Variants in GRXCR1 observed in about 807,000 individuals in gnomAD.
The protein encoded by GRXCR1 is glutaredoxin and cysteine rich domain containing 1, also known as glutaredoxin domain-containing cysteine-rich protein 1.
A neutral mutation model predicts 27.3 loss-of-function variants in GRXCR1; 27 were observed. That is an observed-to-expected ratio of 0.99 (90% CI 0.73 to 1.37). The LOEUF is 1.37. GRXCR1 is among the 40% of genes most tolerant of loss of function. GRXCR1 has a pLI of 0.00. For synonymous variants in GRXCR1, 122 were observed against 131.1 expected (o/e 0.93, Z 0.47); for missense variants, 379 against 354.4 (o/e 1.07, Z -0.56).
At chr4:42,980,443 A>G (rs566402330) in intron 2 of GRXCR1, among the ~76,000 whole-genome samples, 30 of 151,454 alleles carry the variant, frequency 2.0e-4, no homozygotes, top group African/African-American at 6.8e-4. Flanking sequence ...GTTTTTGTAA[A>G]TTTTTTGAAG....
chr4:42,940,617 TGAATCAAG>T (rs977993512), intron 1 of GRXCR1, among the ~76,000 whole-genome samples: 2 of 152,116 alleles, frequency 1.3e-5, no homozygotes, highest in African/African-American at 4.8e-5. Context: ...TTGCAATAAA[TGAATCAAG>T]GAATAATATT....
chr4:43,030,592 T>C lies in GRXCR1; in HGVS notation c.*52T>C. ...CATTTTATTAATCAAAGGCAATACT[T>C]TGGTTTATATATATATTTTTAAATG... On this transcript the variant is annotated 3_prime_UTR_variant, in exon 4 of 4. Coordinates refer to ENST00000399770, the MANE Select transcript of GRXCR1 (RefSeq NM_001080476.3). 1 of 1,361,630 alleles carries C rather than the reference T, an allele frequency of 7.3e-7. No homozygotes were observed. The highest frequency in any genetic ancestry group is 1.1e-6 in the Non-Finnish European group (1 of 951,554). The allele number at this position is 1,361,630 out of a possible 1,614,324, so 84.3% of individuals were successfully genotyped here. A position where few individuals can be genotyped will look rare whatever the true frequency, so the allele number is the denominator to read the frequency against.
intron 2 of GRXCR1, among the ~76,000 whole-genome samples, chr4:42,998,042 A>G (rs1712232853): frequency 6.6e-6 from 1 of 152,204 alleles, no homozygotes; most frequent in African/African-American, 2.4e-5. Flanking sequence ...ACTTTATGTC[A>G]GGCACAATGG....
chr4:42,910,743 G>A lies in GRXCR1; in HGVS notation c.384+17093G>A, dbSNP rs184606098. Among the ~76,000 whole-genome samples the A allele has an allele frequency of 2.6e-5, 4 of 152,188 alleles. No individual in the cohort carries two copies. The East Asian group carries it at 5.8e-4, about 22-fold the overall frequency. On this transcript the variant is annotated intron_variant, in intron 1 of 3. Coordinates refer to ENST00000399770, the MANE Select transcript of GRXCR1 (RefSeq NM_001080476.3). ...CCATTCTGACTCCTCCAGTCTTATC[G>A]CTGGACACACTCTCCCTTACAGCAC...
intron 1 of GRXCR1, among the ~76,000 whole-genome samples, chr4:42,937,703 C>CCAT (rs1282906759): frequency 1.6e-4 from 24 of 151,960 alleles, no homozygotes; most frequent in African/African-American, 5.8e-4. Context: ...AACTTGGCTC[C>CCAT]CATCACCCAT....
intron 2 of GRXCR1, among the ~76,000 whole-genome samples, chr4:42,988,928 T>C (rs905739041): frequency 2.0e-5 from 3 of 152,170 alleles, no homozygotes; most frequent in African/African-American, 7.2e-5. Flanking sequence ...ATTATAATCA[T>C]CTCTCCATAT....
chr4:42,962,170 A>G (rs1188952433), intron 1 of GRXCR1, among the ~76,000 whole-genome samples: 1 of 152,082 alleles, frequency 6.6e-6, no homozygotes, highest in South Asian at 2.1e-4. Flanking sequence ...GACAGTCTTC[A>G]TCTTGTTTTT....
intron 2 of GRXCR1, among the ~76,000 whole-genome samples, chr4:42,978,239 T>C (rs951368941): frequency 2.6e-5 from 4 of 152,196 alleles, no homozygotes; most frequent in African/African-American, 9.6e-5. Flanking sequence ...AGTCAGGTAG[T>C]GTGATGCCTC....
intron 1 of GRXCR1, among the ~76,000 whole-genome samples, chr4:42,932,311 G>A (rs758645018): frequency 6.6e-6 from 1 of 151,558 alleles, no homozygotes; most frequent in African/African-American, 2.4e-5. Context: ...AGCTGTTTCT[G>A]TTCAGTCCCT....
At chr4:42,931,431 T>A (rs1407652864) in intron 1 of GRXCR1, among the ~76,000 whole-genome samples, 1 of 151,892 alleles carries the variant, frequency 6.6e-6, no homozygotes, top group Non-Finnish European at 1.5e-5. Flanking sequence ...TTCTTTAAGT[T>A]TTTTGTTGGT....
chr4:42,898,473 C>T lies in GRXCR1; in HGVS notation c.384+4823C>T, dbSNP rs376737075. 4.0e-4 allele frequency among the ~76,000 whole-genome samples: 61 copies of T among 152,068 alleles called. 1 individual carries two copies. The South Asian group carries it at 0.01, about 25-fold the overall frequency. On this transcript the variant is annotated intron_variant, in intron 1 of 3. Coordinates refer to ENST00000399770, the MANE Select transcript of GRXCR1 (RefSeq NM_001080476.3). Reference sequence around the variant, plus strand: ...GATGGGTAGTGTTAACACACCTTTCCAGCAGTATTTATTATGCATCTCTGG... The same window carrying T: ...GATGGGTAGTGTTAACACACCTTTCTAGCAGTATTTATTATGCATCTCTGG...
chr4:42,995,681 A>G (rs1392938344), intron 2 of GRXCR1, among the ~76,000 whole-genome samples: 1 of 152,202 alleles, frequency 6.6e-6, no homozygotes, highest in Admixed American at 6.5e-5. Context: ...AAAGAAGTAT[A>G]TGTACGCCAC....
At position 42,957,441 on chromosome 4, in the gene GRXCR1, T is replaced by A. The variant is rs1190120728; in HGVS notation, c.385-5451T>A. On this transcript the variant is annotated intron_variant, in intron 1 of 3. Coordinates refer to ENST00000399770, the MANE Select transcript of GRXCR1 (RefSeq NM_001080476.3). ...CTGAATGAATGGGTAGCTGTTATTT[T>A]GTACTCTAATATTGCTATCTTTCTT... Among the ~76,000 whole-genome samples, 3 of 152,174 alleles carry A rather than the reference T, an allele frequency of 2.0e-5. No homozygotes were observed. The East Asian group carries it at 5.8e-4, about 30-fold the overall frequency.
intron 1 of GRXCR1, among the ~76,000 whole-genome samples, chr4:42,959,507 T>G (rs1748082253): frequency 6.6e-6 from 1 of 151,828 alleles, no homozygotes; most frequent in Non-Finnish European, 1.5e-5. Flanking sequence ...AATATTATAT[T>G]ACATATTCAA....
intron 1 of GRXCR1, among the ~76,000 whole-genome samples, chr4:42,926,208 T>C (rs968760650): frequency 1.3e-5 from 2 of 152,060 alleles, no homozygotes; most frequent in Admixed American, 6.6e-5. Flanking sequence ...TTGGCAGTTC[T>C]AAGAGACAAG....
At chr4:43,022,194 TATCATTG>T (rs1344262450) in intron 3 of GRXCR1, among the ~76,000 whole-genome samples, 1 of 152,246 alleles carries the variant, frequency 6.6e-6, no homozygotes, top group Non-Finnish European at 1.5e-5. Flanking sequence ...TATTATGCAG[TATCATTG>T]ATCTATTTAC....
Position 42,893,418 on chromosome 4 carries a change from G to A in GRXCR1, c.152G>A (p.Gly51Glu), listed in dbSNP as rs727505186. 2.1e-5 allele frequency: 34 copies of A among 1,613,698 alleles called. No homozygotes were observed. Among genetic ancestry groups the A allele is most frequent in the Middle Eastern group, 3.3e-4 (2 of 6,080 alleles). ...SLDSECASICGIDGLGDSDGQ... is the reference protein window; with the variant it reads ...SLDSECASICEIDGLGDSDGQ... The stretch of plus-strand genomic sequence containing the variant: ...GATTCTGAATGTGCCAGTATCTGTG[G>A]GATAGATGGACTAGGTGATTCCGAT... Residue 51 changes from glycine to glutamate, a missense_variant, in exon 1 of 4, where the codon GGG becomes GAG. Physicochemically the swap from Gly to Glu is moderately conservative, Grantham distance 98. Transcript: ENST00000399770.
chr4:42,921,656 T>C, intron 1 of GRXCR1, among the ~76,000 whole-genome samples: 1 of 152,118 alleles, frequency 6.6e-6, no homozygotes, highest in East Asian at 1.9e-4. Flanking sequence ...TTTTATTTCT[T>C]TCAGATTACC....
intron 2 of GRXCR1, among the ~76,000 whole-genome samples, chr4:43,000,157 A>G (rs1266007197): frequency 6.6e-6 from 1 of 152,176 alleles, no homozygotes; most frequent in Admixed American, 6.5e-5. Flanking sequence ...TCCACACTAT[A>G]CATGCTTTCT....
Sources: gnomAD v4.1 joint callset for allele counts (sites outside exome capture counted in the v4.1 genomes callset) on GRCh38, gnomAD v4.1.1 for gene constraint, MANE v1.5 for transcripts, NCBI Gene and HGNC (gene_info 2026-07-23, HGNC 2026-07-21) for gene names.